The following GALNT7 variants were observed in gnomAD, a reference collection of about 807,000 sequenced individuals.
GALNT7 encodes the protein polypeptide N-acetylgalactosaminyltransferase 7.
Under a neutral mutation model 82.1 loss-of-function variants are expected in GALNT7, and 60 were observed. The observed-to-expected ratio is 0.73, with a 90% CI of 0.59 to 0.91. The LOEUF is 0.91. Ranked by LOEUF, GALNT7 falls within the 40% of genes least tolerant of loss-of-function variation. The probability of loss-of-function intolerance (pLI) is 0.00; values close to 1 mark genes in which losing one functional copy is unlikely to be tolerated. For missense variants in GALNT7, 660 were observed against 804.2 expected, an observed-to-expected ratio of 0.82 and a Z score of 2.17; for synonymous variants, 243 against 275.1, an observed-to-expected ratio of 0.88 and a Z score of 1.15.
chr4:173,181,279 A>C (rs1230259224), intron 1 of GALNT7, among the ~76,000 whole-genome samples: 1 of 152,222 alleles, frequency 6.6e-6, no homozygotes, highest in Non-Finnish European at 1.5e-5. Context: ...ACAGGCCTGC[A>C]GTTTCGTTAA....
rs1313168328 is a variant in GALNT7, at chr4:173,211,070, A to T, written c.127-36910A>T. Among the ~76,000 whole-genome samples the T allele has an allele frequency of 2.6e-5, 4 of 151,998 alleles. No homozygotes were observed. The East Asian group carries it at 7.7e-4, about 29-fold the overall frequency. ...CCATTTGATATCTGATGTGTATTTT[A>T]TACTTCCAGTACATCTCAATTTGGG... On this transcript the variant is annotated intron_variant, in intron 1 of 11. Coordinates refer to ENST00000265000, the MANE Select transcript of GALNT7 (RefSeq NM_017423.3).
chr4:173,303,944 T>C (rs1022691973), intron 7 of GALNT7, 52 bp from the exon 8 acceptor site: 1 of 1,491,528 alleles, frequency 6.7e-7, no homozygotes, highest in African/African-American at 1.4e-5. Flanking sequence ...TTTTCAGTTA[T>C]GGTTTATGTT....
chr4:173,250,475 G>A (rs774264582), intron 2 of GALNT7, among the ~76,000 whole-genome samples: 4 of 152,036 alleles, frequency 2.6e-5, no homozygotes, highest in Non-Finnish European at 5.9e-5. Flanking sequence ...CCATCAGCAA[G>A]GCCCCTTGGT....
intron 1 of GALNT7, among the ~76,000 whole-genome samples, chr4:173,171,293 CT>C (rs1731862843): frequency 6.6e-6 from 1 of 152,202 alleles, no homozygotes; most frequent in Admixed American, 6.5e-5. Context: ...TCTCCTCCCC[CT>C]TGTGGTTCTT....
At chr4:173,294,633 G>A (rs575569049) in intron 3 of GALNT7, among the ~76,000 whole-genome samples, 5 of 152,052 alleles carry the variant, frequency 3.3e-5, no homozygotes, top group African/African-American at 7.2e-5. Context: ...CATTCTGACC[G>A]TGGTGAGCTA....
intron 1 of GALNT7, among the ~76,000 whole-genome samples, chr4:173,244,406 T>C (rs888474873): frequency 1.3e-5 from 2 of 152,200 alleles, no homozygotes; most frequent in African/African-American, 4.8e-5. Context: ...CATGTTGATG[T>C]ATGAATTTTA....
intron 2 of GALNT7, among the ~76,000 whole-genome samples, chr4:173,290,808 A>C (rs1736504889): frequency 6.6e-6 from 1 of 152,086 alleles, no homozygotes. Flanking sequence ...CATTGGTGAA[A>C]GGAGATGGAA....
intron 1 of GALNT7, among the ~76,000 whole-genome samples, chr4:173,241,209 TA>T (rs749363253): frequency 2.7e-3 from 160 of 60,198 alleles, no homozygotes; most frequent in Non-Finnish European, 2.8e-3. Flanking sequence ...CATCTCTATT[TA>T]AAAAAAAAAA....
chr4:173,247,581 TCACA>T (rs1734689426), intron 1 of GALNT7, among the ~76,000 whole-genome samples: 1 of 152,078 alleles, frequency 6.6e-6, no homozygotes, highest in Non-Finnish European at 1.5e-5. Flanking sequence ...GTTATATTTA[TCACA>T]CACGGTACAA....
intron 1 of GALNT7, among the ~76,000 whole-genome samples, chr4:173,199,034 A>G (rs949118801): frequency 1.3e-5 from 2 of 152,238 alleles, no homozygotes; most frequent in Non-Finnish European, 2.9e-5. Context: ...TCTTGAGAGC[A>G]CACTTTGAGG....
intron 1 of GALNT7, among the ~76,000 whole-genome samples, chr4:173,197,232 A>G (rs920425509): frequency 2.6e-5 from 4 of 152,140 alleles, no homozygotes; most frequent in Non-Finnish European, 5.9e-5. Context: ...TAAGCAAAAT[A>G]GTGACGCTCT....
At chr4:173,192,109 G>T (rs1331978527) in intron 1 of GALNT7, among the ~76,000 whole-genome samples, 1 of 152,170 alleles carries the variant, frequency 6.6e-6, no homozygotes, top group African/African-American at 2.4e-5. Context: ...GAAGTGTGTG[G>T]AGAAGTGTGT....
intron 1 of GALNT7, among the ~76,000 whole-genome samples, chr4:173,207,583 A>C (rs977046882): frequency 1.3e-5 from 2 of 152,210 alleles, no homozygotes; most frequent in Non-Finnish European, 2.9e-5. Context: ...TGTTGTAAAC[A>C]GTTCTGTGGT....
intron 1 of GALNT7, among the ~76,000 whole-genome samples, chr4:173,226,603 GA>G (rs1356887176): frequency 6.6e-6 from 1 of 152,154 alleles, no homozygotes; most frequent in Admixed American, 6.5e-5. Context: ...TTCTGGTGGA[GA>G]AAATTACTCA....
intron 1 of GALNT7, among the ~76,000 whole-genome samples, chr4:173,199,571 A>G (rs923965440): frequency 2.6e-5 from 4 of 152,078 alleles, no homozygotes; most frequent in African/African-American, 4.8e-5. Flanking sequence ...ATGCCCTCCT[A>G]ATGGGCCCCA....
intron 8 of GALNT7, among the ~76,000 whole-genome samples, chr4:173,313,603 G>C (rs1391294218): frequency 1.3e-5 from 2 of 150,330 alleles, no homozygotes; most frequent in Non-Finnish European, 3.0e-5. Flanking sequence ...AAAAGAAAGA[G>C]ATTATTATAG....
chr4:173,235,560 T>TC (rs1310837843), intron 1 of GALNT7, among the ~76,000 whole-genome samples: 94 of 150,604 alleles, frequency 6.2e-4, no homozygotes, highest in Non-Finnish European at 1.2e-3. Flanking sequence ...TCTTTTCTTT[T>TC]TTTTTTTTTT....
intron 1 of GALNT7, among the ~76,000 whole-genome samples, chr4:173,212,391 G>C (rs1339457762): frequency 6.6e-6 from 1 of 152,026 alleles, no homozygotes; most frequent in Non-Finnish European, 1.5e-5. Flanking sequence ...ATAACTACTA[G>C]AATTTTTAAA....
In GALNT7 at chr4:173,198,667, A is replaced by G. The variant is rs1732853232; in HGVS notation, c.126+29706A>G. On this transcript the variant is annotated intron_variant, in intron 1 of 11. Coordinates refer to ENST00000265000, the MANE Select transcript of GALNT7 (RefSeq NM_017423.3). ...AAACTTATATGAAAACAAAATCTTT[A>G]TTTAGTATGATAACCTATTGGCATC... is the stretch of plus-strand genomic sequence containing the variant. 3.3e-5 allele frequency among the ~76,000 whole-genome samples: 5 copies of G among 152,288 alleles called. No homozygotes were observed. The South Asian group carries it at 8.4e-4, about 25-fold the overall frequency.
Sources: gnomAD v4.1 joint callset for allele counts (sites outside exome capture counted in the v4.1 genomes callset) on GRCh38, gnomAD v4.1.1 for gene constraint, MANE v1.5 for transcripts, NCBI Gene and HGNC (gene_info 2026-07-23, HGNC 2026-07-21) for gene names.